The following GRIA4 variants were observed in gnomAD, a reference collection of about 807,000 sequenced individuals.
GRIA4 encodes the protein glutamate ionotropic receptor AMPA type subunit 4.
In GRIA4, 34 loss-of-function variants were observed where a neutral mutation model predicts 104.0. The ratio of observed to expected loss-of-function variants is 0.33; its 90% CI spans 0.25 to 0.44. GRIA4 has a LOEUF of 0.44. Ranked by LOEUF, GRIA4 falls within the 20% of genes least tolerant of loss-of-function variation. The pLI is 1.00. For missense variants in GRIA4, 750 were observed against 1,096.5 expected (o/e 0.68, Z 4.46); for synonymous variants, 386 against 381.9 (o/e 1.01, Z -0.13).
chr11:105,770,372 C>T (rs781674320), intron 4 of GRIA4, among the ~76,000 whole-genome samples: 98 of 152,006 alleles, frequency 6.4e-4, no homozygotes, highest in Non-Finnish European at 1.2e-3. Flanking sequence ...ATTTATGATG[C>T]ATATTTTTGC....
chr11:105,952,728 T>C (rs1948484506), intron 14 of GRIA4, among the ~76,000 whole-genome samples: 1 of 152,180 alleles, frequency 6.6e-6, no homozygotes, highest in Admixed American at 6.5e-5. Context: ...TAATTACATA[T>C]ATGTCATCTA....
rs756127564 is a variant in GRIA4 at position 105,982,000 on chromosome 11, G to A, written c.*2261G>A. The A allele has an allele frequency of 1.3e-5, 2 of 152,754 alleles. No individual in the cohort carries two copies. The highest frequency in any genetic ancestry group is 3.9e-4 in the East Asian group (2 of 5,184). 9.5% of individuals were successfully genotyped at this position (152,754 alleles called of 1,614,324 possible). A position where few individuals can be genotyped will look rare whatever the true frequency, so the allele number is the denominator to read the frequency against. The stretch of plus-strand genomic sequence containing the variant: ...AGACTGTAAGCTCCTTGAGGGCAGG[G>A]ACTGTGTCTATCTTGTTCACAGTTG... On this transcript the variant is annotated 3_prime_UTR_variant, in exon 17 of 17. Transcript: ENST00000282499.
chr11:105,958,665 A>C (rs1172696890), intron 14 of GRIA4, among the ~76,000 whole-genome samples: 1 of 151,796 alleles, frequency 6.6e-6, no homozygotes, highest in African/African-American at 2.4e-5. Context: ...TTTTCTATTG[A>C]TTGTAATTGT....
intron 14 of GRIA4, among the ~76,000 whole-genome samples, chr11:105,968,426 G>A (rs955687241): frequency 3.3e-5 from 5 of 152,288 alleles, no homozygotes; most frequent in East Asian, 1.9e-4. Context: ...ATTTGGGGTC[G>A]CTGCAGCAGC....
intron 4 of GRIA4, among the ~76,000 whole-genome samples, chr11:105,813,321 A>C (rs1215422762): frequency 6.6e-6 from 1 of 152,174 alleles, no homozygotes; most frequent in Non-Finnish European, 1.5e-5. Flanking sequence ...AGAAGATTTC[A>C]TCCATTAATT....
intron 4 of GRIA4, among the ~76,000 whole-genome samples, chr11:105,792,757 G>T (rs547906459): frequency 2.0e-5 from 3 of 152,122 alleles, no homozygotes; most frequent in African/African-American, 2.4e-5. Context: ...TATCTAAGTT[G>T]TTCAGTTCAA....
intron 4 of GRIA4, among the ~76,000 whole-genome samples, chr11:105,854,403 G>C (rs779208940): frequency 4.6e-5 from 7 of 152,132 alleles, no homozygotes; most frequent in Non-Finnish European, 1.0e-4. Context: ...AGCACCCCTG[G>C]CAAAGCAGCC....
intron 3 of GRIA4, among the ~76,000 whole-genome samples, chr11:105,650,337 A>C (rs1951650032): frequency 6.9e-6 from 1 of 143,896 alleles, no homozygotes; most frequent in South Asian, 2.2e-4. Context: ...CAGATAAATT[A>C]AAGCAACTTG....
intron 4 of GRIA4, among the ~76,000 whole-genome samples, chr11:105,787,387 G>A (rs931031932): frequency 6.7e-6 from 1 of 148,990 alleles, no homozygotes; most frequent in Admixed American, 6.7e-5. Flanking sequence ...ATAAGTCAGA[G>A]AATTTAAAGA....
At position 105,671,946 on chromosome 11, in the gene GRIA4, T is replaced by C. The variant is rs73627659; in HGVS notation, c.247+59512T>C. Among the ~76,000 whole-genome samples, 1,046 of 152,230 alleles carry C rather than the reference T, an allele frequency of 6.9e-3. 17 individuals carry two copies. The highest frequency in any genetic ancestry group is 0.024 in the African/African-American group (993 of 41,562). ...TTTAACAACCACAATCAGGGGATTC[T>C]GAGTGCTGTTTCCGTTTGCTTTCAC... On this transcript the variant is annotated intron_variant, in intron 3 of 16. Transcript: ENST00000282499.
intron 5 of GRIA4, among the ~76,000 whole-genome samples, chr11:105,867,515 C>T (rs1945464510): frequency 6.6e-6 from 1 of 152,080 alleles, no homozygotes; most frequent in South Asian, 2.1e-4. Flanking sequence ...TCTGTCAGTT[C>T]CCCCGGACTC....
intron 3 of GRIA4, among the ~76,000 whole-genome samples, chr11:105,747,308 T>G (rs1939718086): frequency 6.6e-6 from 1 of 152,072 alleles, no homozygotes; most frequent in Non-Finnish European, 1.5e-5. Flanking sequence ...CAATTCAAAA[T>G]TACAAAACAA....
At chr11:105,760,291 C>A (rs1313987306) in intron 4 of GRIA4, among the ~76,000 whole-genome samples, 1 of 152,046 alleles carries the variant, frequency 6.6e-6, no homozygotes, top group Non-Finnish European at 1.5e-5. Flanking sequence ...ATGTGTATCA[C>A]CTAAAAATAT....
chr11:105,701,936 C>G lies in GRIA4; in HGVS notation c.248-51045C>G, dbSNP rs546044060. On this transcript the variant is annotated intron_variant, in intron 3 of 16. Coordinates refer to ENST00000282499, the MANE Select transcript of GRIA4 (RefSeq NM_000829.4). ...ACCAATATTTTTCTCTAGCCACTTG[C>G]ATTTTTTTAAAAAACAGAGGCAGGA... Among the ~76,000 whole-genome samples the G allele has an allele frequency of 2.6e-5, 4 of 152,174 alleles. No individual in the cohort carries two copies. In the East Asian group the frequency reaches 7.7e-4, roughly 29 times the overall value.
chr11:105,727,301 C>T (rs1215871879), intron 3 of GRIA4, among the ~76,000 whole-genome samples: 1 of 151,650 alleles, frequency 6.6e-6, no homozygotes, highest in Non-Finnish European at 1.5e-5. Flanking sequence ...TGAAGATAAA[C>T]TTAATTAAAT....
chr11:105,921,664 T>G (rs1247907388), intron 11 of GRIA4, among the ~76,000 whole-genome samples: 1 of 152,168 alleles, frequency 6.6e-6, no homozygotes, highest in Non-Finnish European at 1.5e-5. Context: ...TCTCTTCATG[T>G]GTCTTTTTAA....
chr11:105,753,531 C>T lies in GRIA4; in HGVS notation c.487+311C>T, dbSNP rs190543380. ...CAATCAACAAAAAATAGTTCTGTGA[C>T]CTCTGGTCACCAACATGTGTGGAGG... On this transcript the variant is annotated intron_variant, in intron 4 of 16. Coordinates refer to ENST00000282499, the MANE Select transcript of GRIA4 (RefSeq NM_000829.4). 2.0e-5 allele frequency among the ~76,000 whole-genome samples: 3 copies of T among 152,288 alleles called. No homozygotes were observed. The East Asian group carries it at 5.8e-4, about 29-fold the overall frequency.
chr11:105,780,784 A>G (rs1941692776), intron 4 of GRIA4, among the ~76,000 whole-genome samples: 1 of 152,162 alleles, frequency 6.6e-6, no homozygotes, highest in African/African-American at 2.4e-5. Context: ...CAACAATGAA[A>G]ATCATGCACT....
intron 5 of GRIA4, among the ~76,000 whole-genome samples, chr11:105,874,386 T>C (rs923956539): frequency 2.6e-5 from 4 of 152,168 alleles, no homozygotes; most frequent in Admixed American, 1.3e-4. Flanking sequence ...CTTAGGATTG[T>C]CTTGGCTATA....
Sources: gnomAD v4.1 joint callset for allele counts (sites outside exome capture counted in the v4.1 genomes callset) on GRCh38, gnomAD v4.1.1 for gene constraint, MANE v1.5 for transcripts, NCBI Gene and HGNC (gene_info 2026-07-23, HGNC 2026-07-21) for gene names.